Variants in SYNE2 observed in about 807,000 individuals in gnomAD.
SYNE2 encodes nesprin-2.
A neutral mutation model predicts 856.3 loss-of-function variants in SYNE2; 431 were observed. That is an observed-to-expected ratio of 0.50 (90% CI 0.47 to 0.55). The LOEUF (loss-of-function observed/expected upper bound fraction) is 0.55, where lower values mean the gene tolerates loss of function less well. SYNE2 is among the 20% of genes least tolerant of loss of function. The pLI, the probability that SYNE2 is intolerant of heterozygous loss-of-function variation, is 0.00. For missense variants in SYNE2, 8,129 were observed against 8,023.2 expected (o/e 1.01, Z -0.50); for synonymous variants, 2,923 against 2,872.3 (o/e 1.02, Z -0.56).
intron 111 of SYNE2, 59 bp downstream of exon 111, chr14:64,220,696 C>G (rs1419899388): frequency 2.5e-6 from 4 of 1,580,478 alleles, no homozygotes; most frequent in African/African-American, 1.3e-5. Context: ...GTGGTAGGAG[C>G]AGCAGATATT....
At chr14:63,845,968 T>C (rs535468810) in intron 1 of SYNE2, among the ~76,000 whole-genome samples, 1 of 151,888 alleles carries the variant, frequency 6.6e-6, no homozygotes, top group African/African-American at 2.4e-5. Flanking sequence ...GGTCTCAAAC[T>C]CTTGACCCCA....
At chr14:63,872,613 G>A (rs1027927974) in intron 1 of SYNE2, among the ~76,000 whole-genome samples, 1 of 151,462 alleles carries the variant, frequency 6.6e-6, no homozygotes, top group South Asian at 2.1e-4. Flanking sequence ...AAAATTAGCC[G>A]CACGTGGTGG....
chr14:64,194,065 C>G (rs932492570), intron 99 of SYNE2, among the ~76,000 whole-genome samples: 15 of 149,322 alleles, frequency 1.0e-4, no homozygotes, highest in Admixed American at 1.0e-3. Context: ...CTCATGGGCC[C>G]TCAGGCAGCT....
intron 108 of SYNE2, among the ~76,000 whole-genome samples, chr14:64,217,927 C>T (rs949541343): frequency 3.3e-5 from 5 of 152,278 alleles, no homozygotes; most frequent in Admixed American, 6.5e-5. Context: ...GTAACGAATG[C>T]CCCTGGGAGG....
At chr14:63,956,603 C>CA (rs1233622185) in intron 8 of SYNE2, among the ~76,000 whole-genome samples, 20 of 151,902 alleles carry the variant, frequency 1.3e-4, no homozygotes, top group Non-Finnish European at 1.5e-5. Flanking sequence ...TTTAAGTATA[C>CA]AAATTAGTGG....
At chr14:63,839,091 G>A (rs533195887) in intron 1 of SYNE2, among the ~76,000 whole-genome samples, 2 of 151,566 alleles carry the variant, frequency 1.3e-5, no homozygotes, top group Non-Finnish European at 2.9e-5. Context: ...AATCAGTGGC[G>A]TGATCTTGGC....
At chr14:64,044,881 G>A (rs959611823) in intron 45 of SYNE2, among the ~76,000 whole-genome samples, 3 of 151,990 alleles carry the variant, frequency 2.0e-5, no homozygotes, top group Non-Finnish European at 2.9e-5. Context: ...TTTTTAAATT[G>A]CCCAGTCTCA....
At chr14:63,967,142 G>T (rs1401165602) in intron 10 of SYNE2, among the ~76,000 whole-genome samples, 1 of 152,034 alleles carries the variant, frequency 6.6e-6, no homozygotes, top group Non-Finnish European at 1.5e-5. Flanking sequence ...GGGATTACAG[G>T]CATGAGCCAC....
chr14:64,198,465 G>A (rs1253606753), intron 99 of SYNE2, among the ~76,000 whole-genome samples: 4 of 152,224 alleles, frequency 2.6e-5, no homozygotes, highest in Non-Finnish European at 5.9e-5. Flanking sequence ...GCTCAGCAGT[G>A]CACCTGATGA....
chr14:64,020,276 G>A (rs907339018), intron 35 of SYNE2, among the ~76,000 whole-genome samples, 183 bp downstream of exon 35: 10 of 152,170 alleles, frequency 6.6e-5, no homozygotes, highest in African/African-American at 2.4e-4. Flanking sequence ...CATATTGGAA[G>A]AAGAATTGTC....
chr14:64,058,798 AC>A, intron 49 of SYNE2, among the ~76,000 whole-genome samples: 1 of 152,066 alleles, frequency 6.6e-6, no homozygotes, highest in South Asian at 2.1e-4. Context: ...TCTTAGATTT[AC>A]CTTTTTGAGG....
At chr14:63,839,196 A>C (rs928340599) in intron 1 of SYNE2, among the ~76,000 whole-genome samples, 3 of 151,894 alleles carry the variant, frequency 2.0e-5, no homozygotes, top group East Asian at 1.9e-4. Context: ...TGCCCGGCTA[A>C]TTTTTTGTAT....
chr14:64,205,915 G>C (rs1333841391), intron 100 of SYNE2, among the ~76,000 whole-genome samples: 1 of 152,086 alleles, frequency 6.6e-6, no homozygotes, highest in East Asian at 1.9e-4. Flanking sequence ...CCGTGGGCCA[G>C]TTGAGCTTCA....
At chr14:63,986,349 C>T (rs2096625635) in intron 18 of SYNE2, 107 bp from the exon 19 acceptor site, 2 of 1,179,836 alleles carry the variant, frequency 1.7e-6, no homozygotes, top group Non-Finnish European at 1.2e-6. Flanking sequence ...ATCCTCCTGC[C>T]CTGGCCTCCT....
chr14:64,167,592 G>T lies in SYNE2; in HGVS notation c.16858G>T (p.Val5620Leu). 1 of 1,614,230 alleles carries T rather than the reference G, an allele frequency of 6.2e-7. No individual in the cohort carries two copies. The highest frequency in any genetic ancestry group is 2.2e-5 in the East Asian group (1 of 44,886). The change falls in exon 92 of 116, where the codon GTG (valine) becomes TTG (leucine). Residue 5620 changes from valine (V) to leucine (L), a missense_variant. Val to Leu is a conservative substitution (Grantham distance 32). Around this residue, in one of 3 missense-constraint regions of SYNE2, gnomAD observed 5,410 missense variants for 5,284.8 expected, o/e 1.02. Coordinates refer to ENST00000555002, the MANE Select transcript of SYNE2 (RefSeq NM_182914.3). ...GATAGAAGAAGCACTCAAAGTGGAT[G>T]TGGCTAACAGCCTTCCTGAGCTCCT... The part of the protein sequence containing the change: ...EKIEEALKVD[V>L]ANSLPELLEQ...
intron 99 of SYNE2, among the ~76,000 whole-genome samples, chr14:64,194,492 A>G (rs566827016): frequency 9.9e-5 from 15 of 152,154 alleles, no homozygotes; most frequent in African/African-American, 1.9e-4. Flanking sequence ...TTTTGTAGAG[A>G]TGGGGTTTCA....
At chr14:63,853,165 G>C (rs140452229) in intron 1 of SYNE2, 22 bp downstream of exon 1, 67,710 of 150,164 alleles carry the variant, frequency 0.45, 16,152 homozygotes, top group South Asian at 0.56. Flanking sequence ...CGGCCGCGGG[G>C]CCCCAGCACC....
At position 64,225,539 on chromosome 14, in the gene SYNE2, G is replaced by A. The variant is rs751387701; in HGVS notation, c.*13G>A. 6.2e-7 allele frequency: 1 copy of A among 1,612,940 alleles called. No individual in the cohort carries two copies. The highest frequency in any genetic ancestry group is 8.5e-7 in the Non-Finnish European group (1 of 1,179,348). On this transcript the variant is annotated 3_prime_UTR_variant, in exon 116 of 116. Coordinates refer to ENST00000555002, the MANE Select transcript of SYNE2 (RefSeq NM_182914.3). The stretch of plus-strand genomic sequence containing the variant: ...ACCCCCCACATAGAGGGCATAGCTG[G>A]CCACAGTGCTACACCACCTGCCTGA...
chr14:64,222,753 T>A (rs2098700673), intron 112 of SYNE2, among the ~76,000 whole-genome samples: 1 of 152,080 alleles, frequency 6.6e-6, no homozygotes, highest in African/African-American at 2.4e-5. Context: ...AATAGCCACA[T>A]GTGTCTAGTG....
Sources: allele counts gnomAD v4.1 joint callset (sites outside exome capture counted in the v4.1 genomes callset), GRCh38; gene constraint gnomAD v4.1.1; regional missense constraint gnomAD v4.1.1; transcripts MANE v1.5; gene names NCBI Gene and HGNC (gene_info 2026-07-23, HGNC 2026-07-21).